Variants in TOR1AIP1 observed in about 807,000 individuals in gnomAD.
TOR1AIP1 encodes the protein torsin-1A-interacting protein 1.
In TOR1AIP1, 54 loss-of-function variants were observed where a neutral mutation model predicts 63.3. The observed-to-expected ratio is 0.85, with a 90% CI of 0.69 to 1.07. The LOEUF is 1.07. TOR1AIP1 is among the 50% of genes least tolerant of loss of function. The pLI, the probability that TOR1AIP1 is intolerant of heterozygous loss-of-function variation, is 0.00. For missense variants in TOR1AIP1, 736 were observed against 715.0 expected, an observed-to-expected ratio of 1.03 and a Z score of -0.33; for synonymous variants, 294 against 273.5, an observed-to-expected ratio of 1.07 and a Z score of -0.74.
chr1:179,889,380 G>T lies in TOR1AIP1; in HGVS notation c.610+11G>T. 1.2e-6 allele frequency: 2 copies of T among 1,600,224 alleles called. No individual in the cohort carries two copies. Among genetic ancestry groups the T allele is most frequent in the Middle Eastern group, 1.7e-4 (1 of 6,020 alleles). Reference sequence around the variant, plus strand: ...GATACCCAAGATATGGTAAGAGATTGTTTGTCTGTTGGTTTACCTTTGTTA... The same window carrying T: ...GATACCCAAGATATGGTAAGAGATTTTTTGTCTGTTGGTTTACCTTTGTTA... On this transcript the variant is annotated intron_variant, in intron 3 of 9. Transcript: ENST00000606911.
chr1:179,882,850 C>T lies in TOR1AIP1; in HGVS notation c.348C>T (p.Pro116=). The T allele has an allele frequency of 6.2e-7, 1 of 1,614,194 alleles. No individual in the cohort carries two copies. The highest frequency in any genetic ancestry group is 8.5e-7 in the Non-Finnish European group (1 of 1,180,020). The change falls in exon 1 of 10, where the codon CCC becomes CCT. Residue 116 remains proline (P), a synonymous_variant. Coordinates refer to ENST00000606911, the MANE Select transcript of TOR1AIP1 (RefSeq NM_015602.4). ...LRSRQRRQPR[P]QETEEMKTRR... is the part of the protein sequence containing the mutation. ...CTAGGCAGCGGAGGCAGCCGCGACCCCAGGAAACCGAGGAAATGAAGACGC... is the reference window on the plus strand; with the variant it reads ...CTAGGCAGCGGAGGCAGCCGCGACCTCAGGAAACCGAGGAAATGAAGACGC...
At chr1:179,915,768 A>G (rs1648969191) in intron 9 of TOR1AIP1, among the ~76,000 whole-genome samples, 1 of 152,212 alleles carries the variant, frequency 6.6e-6, no homozygotes, top group African/African-American at 2.4e-5. Context: ...AGAAAAAAAA[A>G]AGAAAGTGTT....
chr1:179,898,510 T>G (rs1648352430), intron 3 of TOR1AIP1, among the ~76,000 whole-genome samples: 1 of 152,146 alleles, frequency 6.6e-6, no homozygotes, highest in Non-Finnish European at 1.5e-5. Flanking sequence ...ATTATGCACT[T>G]AGATAATAAA....
chr1:179,883,058 C>A (rs564932717), intron 1 of TOR1AIP1, 81 bp downstream of exon 1: 7 of 1,273,960 alleles, frequency 5.5e-6, no homozygotes, highest in Non-Finnish European at 7.8e-6. Flanking sequence ...GGAGCTCATG[C>A]CCGCCTGGGT....
chr1:179,900,243 T>A (rs1181830353), intron 4 of TOR1AIP1, 76 bp downstream of exon 4: 2 of 1,070,652 alleles, frequency 1.9e-6, no homozygotes, highest in Non-Finnish European at 2.8e-6. Context: ...CTGATAGATA[T>A]TTAAGAAGTG....
intron 8 of TOR1AIP1, among the ~76,000 whole-genome samples, chr1:179,913,107 T>C (rs944340380): frequency 3.3e-5 from 5 of 152,078 alleles, no homozygotes; most frequent in East Asian, 1.9e-4. Flanking sequence ...AGGATCATTT[T>C]TAATTTCTTT....
In TOR1AIP1 at chr1:179,918,422, C is replaced by G; in HGVS notation, c.*183C>G. On this transcript the variant is annotated 3_prime_UTR_variant, in exon 10 of 10. Coordinates refer to ENST00000606911, the MANE Select transcript of TOR1AIP1 (RefSeq NM_015602.4). ...CTAATTATCTGTGATATGAGAGAATCATTTCAGTTTCCATTGAGAGCTCTG... is the reference window on the plus strand; with the variant it reads ...CTAATTATCTGTGATATGAGAGAATGATTTCAGTTTCCATTGAGAGCTCTG... The G allele has an allele frequency of 1.6e-6, 1 of 619,362 alleles. No homozygotes were observed. The highest frequency in any genetic ancestry group is 2.7e-6 in the Non-Finnish European group (1 of 366,550). 38.4% of individuals were successfully genotyped at this position (619,362 alleles called of 1,614,324 possible). A position where few individuals can be genotyped will look rare whatever the true frequency, so the allele number is the denominator to read the frequency against.
intron 9 of TOR1AIP1, among the ~76,000 whole-genome samples, chr1:179,916,698 T>TCC (rs1434448637): frequency 9.2e-6 from 1 of 108,314 alleles, no homozygotes. Context: ...TTGCATCCTT[T>TCC]TCTTTTTTTT....
chr1:179,882,552 T>C lies in TOR1AIP1; in HGVS notation c.50T>C (p.Val17Ala). The part of the protein sequence containing the change: ...RAEAVREGWG[V>A]YVTPRAPIRE... ...GAGGCGGTGCGGGAAGGATGGGGTG[T>C]GTACGTCACCCCCAGGGCCCCCATC... Residue 17 changes from valine to alanine, a missense_variant, in exon 1 of 10, where the codon GTG (valine) becomes GCG (alanine). Around this residue, in one of 2 missense-constraint regions of TOR1AIP1, gnomAD observed 464 missense variants for 371.0 expected, o/e 1.25. Transcript: ENST00000606911. The C allele has an allele frequency of 1.3e-6, 2 of 1,498,868 alleles. No individual in the cohort carries two copies. Among genetic ancestry groups the C allele is most frequent in the East Asian group, 4.7e-5 (2 of 42,588 alleles). 92.8% of individuals were successfully genotyped at this position (1,498,868 alleles called of 1,614,324 possible).
At chr1:179,894,506 G>A (rs1648205000) in intron 3 of TOR1AIP1, among the ~76,000 whole-genome samples, 1 of 151,966 alleles carries the variant, frequency 6.6e-6, no homozygotes. Flanking sequence ...GGCCAACATG[G>A]TGAAACCCTA....
At chr1:179,900,041 C>CT in intron 3 of TOR1AIP1, 85 bp from the exon 4 acceptor site, 1 of 1,053,688 alleles carries the variant, frequency 9.5e-7, no homozygotes. Context: ...TAAGCTTTAA[C>CT]TTTTTTCCTA....
intron 3 of TOR1AIP1, among the ~76,000 whole-genome samples, chr1:179,894,685 T>C (rs1302039236): frequency 6.6e-6 from 1 of 150,468 alleles, no homozygotes; most frequent in Non-Finnish European, 1.5e-5. Flanking sequence ...AGACTCCATC[T>C]CAAAAAAAAA....
In TOR1AIP1 at chr1:179,882,731, G is replaced by A. The variant is rs751615733; in HGVS notation, c.229G>A (p.Glu77Lys). 1.9e-6 allele frequency: 3 copies of A among 1,613,940 alleles called. No individual in the cohort carries two copies. The highest frequency in any genetic ancestry group is 2.5e-6 in the Non-Finnish European group (3 of 1,179,984). Residue 77 changes from glutamate to lysine, a missense_variant, in exon 1 of 10, where the codon GAA becomes AAA. Glu to Lys is a moderately conservative substitution (Grantham distance 56). This residue lies in a region of TOR1AIP1 where 464 missense variants were observed against 371.0 expected (regional missense o/e 1.25). Transcript: ENST00000606911. ...CGACTTCGAGCCCCTGGTGGCCAAA[G>A]AAAGGTCCCCGGTGGGAAAACGAAC... ...YGDFEPLVAKERSPVGKRTRL... is the reference protein window; with the variant it reads ...YGDFEPLVAKKRSPVGKRTRL...
intron 8 of TOR1AIP1, chr1:179,913,582 A>T: frequency 1.4e-6 from 1 of 702,384 alleles, no homozygotes; most frequent in Non-Finnish European, 2.6e-6. Context: ...CCCCCTCTTT[A>T]CAGCATCTTC....
Position 179,918,296 on chromosome 1 carries a change from A to C in TOR1AIP1, c.*57A>C, listed in dbSNP as rs974709447. 9 of 1,485,976 alleles carry C rather than the reference A, an allele frequency of 6.1e-6. No individual in the cohort carries two copies. In the African/African-American group the frequency reaches 9.8e-5, roughly 16 times the overall value. 92.0% of individuals were successfully genotyped at this position (1,485,976 alleles called of 1,614,324 possible). On this transcript the variant is annotated 3_prime_UTR_variant, in exon 10 of 10. Transcript: ENST00000606911. The stretch of plus-strand genomic sequence containing the variant: ...GTTCTGAGAATTGTTCACACTTTCT[A>C]ACCAGAGACAGAATTCAGAGCTCTT...
At chr1:179,889,652 C>CTTTTTTT (rs10711211) in intron 3 of TOR1AIP1, among the ~76,000 whole-genome samples, 1 of 144,894 alleles carries the variant, frequency 6.9e-6, no homozygotes, top group Non-Finnish European at 1.5e-5. Flanking sequence ...TCATTTCTGT[C>CTTTTTTT]TTTTTTTTTT....
chr1:179,894,393 A>G (rs575519397), intron 3 of TOR1AIP1, among the ~76,000 whole-genome samples: 31 of 152,134 alleles, frequency 2.0e-4, no homozygotes, highest in African/African-American at 7.2e-4. Flanking sequence ...GAGCACAAGA[A>G]GAAAGGAAAC....
At chr1:179,905,630 C>T (rs974609030) in intron 6 of TOR1AIP1, among the ~76,000 whole-genome samples, 4 of 152,016 alleles carry the variant, frequency 2.6e-5, no homozygotes, top group Admixed American at 2.0e-4. Context: ...TGTATCTACC[C>T]GTATAAATGA....
Position 179,899,990 on chromosome 1 carries a change from C to T in TOR1AIP1, c.611-136C>T, listed in dbSNP as rs570704136. 1.7e-4 allele frequency: 100 copies of T among 605,422 alleles called. 1 individual carries two copies. The South Asian group carries it at 1.9e-3, about 11-fold the overall frequency. The allele number at this position is 605,422 out of a possible 1,614,324, so 37.5% of individuals were successfully genotyped here. A position where few individuals can be genotyped will look rare whatever the true frequency, so the allele number is the denominator to read the frequency against. Reference sequence around the variant, plus strand: ...AAAAAGAATTTATTTAATGTGTCCTCATGTTCATTTTCCTAAACGAGATGC... The same window carrying T: ...AAAAAGAATTTATTTAATGTGTCCTTATGTTCATTTTCCTAAACGAGATGC... On this transcript the variant is annotated intron_variant, in intron 3 of 9. Transcript: ENST00000606911.
Sources: allele counts gnomAD v4.1 joint callset (sites outside exome capture counted in the v4.1 genomes callset), GRCh38; gene constraint gnomAD v4.1.1; regional missense constraint gnomAD v4.1.1; transcripts MANE v1.5; gene names NCBI Gene and HGNC (gene_info 2026-07-23, HGNC 2026-07-21).